FBXO4: variants seen among roughly 807,000 people sequenced by gnomAD.
FBXO4 encodes F-box protein 4.
Under a neutral mutation model 43.7 loss-of-function variants are expected in FBXO4, and 36 were observed. The ratio of observed to expected loss-of-function variants is 0.82; its 90% CI spans 0.63 to 1.09. The LOEUF (loss-of-function observed/expected upper bound fraction) is 1.09, where lower values mean the gene tolerates loss of function less well. Ranked by LOEUF, FBXO4 falls within the 50% of genes least tolerant of loss-of-function variation. The probability of loss-of-function intolerance (pLI) is 0.00; values close to 1 mark genes in which losing one functional copy is unlikely to be tolerated. For missense variants in FBXO4, 435 were observed against 474.1 expected, an observed-to-expected ratio of 0.92 and a Z score of 0.77; for synonymous variants, 180 against 165.6, an observed-to-expected ratio of 1.09 and a Z score of -0.67.
intron 2 of FBXO4, among the ~76,000 whole-genome samples, chr5:41,928,015 C>T (rs1751560217): frequency 6.6e-6 from 1 of 152,092 alleles, no homozygotes; most frequent in Non-Finnish European, 1.5e-5. Context: ...AATTGTTGTG[C>T]TTGACTCAGT....
the FBXO4 span, among the ~76,000 whole-genome samples, chr5:42,006,068 A>G: frequency 6.6e-6 from 1 of 152,104 alleles, no homozygotes; most frequent in Non-Finnish European, 1.5e-5. Context: ...AAATATATTG[A>G]CATATGTTGA....
At chr5:41,939,361 G>T in intron 5 of FBXO4, 80 bp from the exon 6 acceptor site, 1 of 1,319,182 alleles carries the variant, frequency 7.6e-7, no homozygotes, top group Non-Finnish European at 1.0e-6. Context: ...TTGTTCCCTC[G>T]CTTTGTTAGT....
intron 5 of FBXO4, chr5:41,934,532 A>G (rs1169791788): frequency 7.3e-7 from 1 of 1,375,412 alleles, no homozygotes; most frequent in African/African-American, 1.5e-5. Flanking sequence ...ACCCTGGTGG[A>G]TTTTATTCCT....
the FBXO4 span, among the ~76,000 whole-genome samples, chr5:41,954,421 T>C: frequency 5.9e-5 from 9 of 152,202 alleles, no homozygotes; most frequent in African/African-American, 2.2e-4. Flanking sequence ...GTTATGCAAT[T>C]TGAAATATGA....
the FBXO4 span, among the ~76,000 whole-genome samples, chr5:42,004,228 G>A: frequency 1.2e-4 from 18 of 152,032 alleles, no homozygotes; most frequent in Admixed American, 2.0e-4. Flanking sequence ...TTCTGCATTT[G>A]GAAACAGTCT....
At chr5:41,990,582 T>C in the FBXO4 span, among the ~76,000 whole-genome samples, 544 of 152,334 alleles carry the variant, frequency 3.6e-3, 6 homozygotes, top group African/African-American at 9.8e-3. Flanking sequence ...GTCTGACTAA[T>C]GCTCCAGGAA....
chr5:42,003,514 T>G, the FBXO4 span, among the ~76,000 whole-genome samples: 1 of 152,184 alleles, frequency 6.6e-6, no homozygotes, highest in African/African-American at 2.4e-5. Flanking sequence ...CTGTATTTAT[T>G]TATTTATTTA....
At chr5:42,036,739 G>A in the FBXO4 span, among the ~76,000 whole-genome samples, 1 of 152,102 alleles carries the variant, frequency 6.6e-6, no homozygotes, top group African/African-American at 2.4e-5. Flanking sequence ...TTAGAGAAGA[G>A]ACAGAGATAG....
At chr5:42,039,392 C>A in the FBXO4 span, among the ~76,000 whole-genome samples, 1 of 151,922 alleles carries the variant, frequency 6.6e-6, no homozygotes, top group Non-Finnish European at 1.5e-5. Context: ...CCACTCTGGA[C>A]CACCTCCCCA....
chr5:42,024,886 C>CT, the FBXO4 span, among the ~76,000 whole-genome samples: 3,828 of 152,044 alleles, frequency 0.025, 177 homozygotes, highest in African/African-American at 0.087. Context: ...GGATCTCATT[C>CT]TTTTTTATGG....
At chr5:41,936,116 A>G (rs991121618) in intron 5 of FBXO4, among the ~76,000 whole-genome samples, 7 of 152,220 alleles carry the variant, frequency 4.6e-5, no homozygotes, top group African/African-American at 1.4e-4. Flanking sequence ...TACATAAAAC[A>G]CCTAACATTA....
intron 5 of FBXO4, chr5:41,934,629 A>G (rs1051831632): frequency 8.5e-7 from 1 of 1,173,172 alleles, no homozygotes; most frequent in Admixed American, 4.2e-5. Context: ...TTGGTACTAG[A>G]GCTATACAAT....
intron 2 of FBXO4, chr5:41,928,748 A>G (rs1454691737): frequency 6.6e-6 from 1 of 152,416 alleles, no homozygotes; most frequent in Non-Finnish European, 1.5e-5. Context: ...TCCAGCTTCA[A>G]AGTTGTTTTG....
intron 1 of FBXO4, among the ~76,000 whole-genome samples, chr5:41,926,728 G>A (rs1451651924): frequency 6.6e-6 from 1 of 152,178 alleles, no homozygotes; most frequent in Non-Finnish European, 1.5e-5. Context: ...AAAATTAAAG[G>A]AACTGGTGAT....
the FBXO4 span, among the ~76,000 whole-genome samples, chr5:41,998,308 A>G: frequency 6.6e-5 from 10 of 152,348 alleles, no homozygotes; most frequent in East Asian, 1.2e-3. Context: ...GGCGCCTTCA[A>G]AGATGCAGGT....
chr5:41,978,861 C>G, the FBXO4 span, among the ~76,000 whole-genome samples: 1 of 152,224 alleles, frequency 6.6e-6, no homozygotes, highest in East Asian at 1.9e-4. Context: ...CATCATACAT[C>G]ATGCTTCTAT....
the FBXO4 span, among the ~76,000 whole-genome samples, chr5:42,015,531 C>A: frequency 1.4e-4 from 21 of 152,162 alleles, no homozygotes; most frequent in African/African-American, 5.1e-4. Flanking sequence ...CCACCTATGT[C>A]TAAATCCAAA....
At position 41,929,890 on chromosome 5, in the gene FBXO4, G is replaced by T. The variant is rs1751628408; in HGVS notation, c.619G>T (p.Ala207Ser). Residue 207 changes from alanine to serine, a missense_variant, in exon 3 of 7, where the codon GCT (alanine) becomes TCT (serine). By Grantham distance (99) the Ala-to-Ser change is moderately conservative. Coordinates refer to ENST00000281623, the MANE Select transcript of FBXO4 (RefSeq NM_012176.3). ...LMSSEELCPT[A>S]GLPQRQIDGI... The stretch of plus-strand genomic sequence containing the variant: ...GTCTTCAGAGGAACTTTGCCCAACA[G>T]CTGGTTTGCCTCAGAGGCAGATTGA... The T allele has an allele frequency of 6.2e-7, 1 of 1,613,196 alleles. No homozygotes were observed. Among genetic ancestry groups the T allele is most frequent in the African/African-American group, 1.3e-5 (1 of 74,892 alleles).
At chr5:41,959,915 T>A in the FBXO4 span, among the ~76,000 whole-genome samples, 1 of 152,126 alleles carries the variant, frequency 6.6e-6, no homozygotes, top group Non-Finnish European at 1.5e-5. Context: ...GGAATTTGTA[T>A]AGGGATTTTT....
Sources: allele counts gnomAD v4.1 joint callset (sites outside exome capture counted in the v4.1 genomes callset), GRCh38; gene constraint gnomAD v4.1.1; transcripts MANE v1.5; gene names NCBI Gene and HGNC (gene_info 2026-07-23, HGNC 2026-07-21).